The following FMNL2 variants were observed in gnomAD, a reference collection of about 807,000 sequenced individuals.
FMNL2 encodes the protein formin like 2.
Under a neutral mutation model 130.2 loss-of-function variants are expected in FMNL2, and 51 were observed. That is an observed-to-expected ratio of 0.39 (90% CI 0.31 to 0.49). FMNL2 has a LOEUF of 0.49. Ranked by LOEUF, FMNL2 falls within the 20% of genes least tolerant of loss-of-function variation. The pLI, the probability that FMNL2 is intolerant of heterozygous loss-of-function variation, is 0.85. For synonymous variants in FMNL2, 465 were observed against 467.1 expected (o/e 1.00, Z 0.06); for missense variants, 977 against 1,316.2 (o/e 0.74, Z 3.99).
intron 2 of FMNL2, among the ~76,000 whole-genome samples, chr2:152,538,981 G>T: frequency 6.6e-6 from 1 of 152,206 alleles, no homozygotes; most frequent in Non-Finnish European, 1.5e-5. Context: ...CTAAATATTA[G>T]AATTTTAGAT....
intron 1 of FMNL2, among the ~76,000 whole-genome samples, chr2:152,382,345 T>C (rs958394333): frequency 6.6e-6 from 1 of 152,200 alleles, no homozygotes; most frequent in Admixed American, 6.5e-5. Context: ...GGAAAGCGCA[T>C]GTGTCTTTGT....
At chr2:152,531,648 G>A (rs1016002686) in intron 2 of FMNL2, among the ~76,000 whole-genome samples, 8 of 151,842 alleles carry the variant, frequency 5.3e-5, no homozygotes, top group Admixed American at 2.6e-4. Context: ...GCTAATTTTT[G>A]TATATTTAGT....
In FMNL2 at chr2:152,638,669, A is replaced by G. The variant is rs185943099; in HGVS notation, c.2946+995A>G. Among the ~76,000 whole-genome samples the G allele has an allele frequency of 2.2e-3, 332 of 152,320 alleles. 3 individuals carry two copies. Among genetic ancestry groups the G allele is most frequent in the African/African-American group, 7.6e-3 (318 of 41,572 alleles). On this transcript the variant is annotated intron_variant, in intron 23 of 25. Coordinates refer to ENST00000288670, the MANE Select transcript of FMNL2 (RefSeq NM_052905.4). ...TGGCAGTCAGGGTGAACAGAAACAC[A>G]GCACAAACTCCGTGTGCCAGACTCA...
At chr2:152,458,235 C>T (rs1267938441) in intron 1 of FMNL2, among the ~76,000 whole-genome samples, 1 of 152,174 alleles carries the variant, frequency 6.6e-6, no homozygotes, top group South Asian at 2.1e-4. Context: ...GATTTCTATA[C>T]CTGTACCATA....
At chr2:152,590,010 C>T (rs112703731) in intron 9 of FMNL2, among the ~76,000 whole-genome samples, 1,522 of 44,908 alleles carry the variant, frequency 0.034, 47 homozygotes, top group African/African-American at 0.099. Flanking sequence ...TATATATATA[C>T]ATATACATAT....
intron 1 of FMNL2, among the ~76,000 whole-genome samples, chr2:152,349,294 C>T (rs896089526): frequency 2.5e-4 from 38 of 152,194 alleles, no homozygotes; most frequent in Non-Finnish European, 3.8e-4. Context: ...TGAATTCTCT[C>T]GAGTTCTGTT....
intron 4 of FMNL2, among the ~76,000 whole-genome samples, chr2:152,558,041 T>C (rs1695322830): frequency 6.6e-6 from 1 of 152,212 alleles, no homozygotes; most frequent in Admixed American, 6.5e-5. Flanking sequence ...CAAATAAGAA[T>C]GTATAAGCAT....
intron 1 of FMNL2, among the ~76,000 whole-genome samples, chr2:152,464,410 G>A (rs1452108153): frequency 6.6e-6 from 1 of 152,106 alleles, no homozygotes; most frequent in East Asian, 1.9e-4. Flanking sequence ...TTCTTGTTTG[G>A]CTTCCACTCT....
intron 6 of FMNL2, among the ~76,000 whole-genome samples, chr2:152,565,991 GGCT>G (rs1179616674): frequency 6.6e-6 from 1 of 152,128 alleles, no homozygotes; most frequent in East Asian, 1.9e-4. Context: ...ATGTTGCCCA[GGCT>G]GCTCTCGAAC....
intron 13 of FMNL2, 66 bp from the exon 14 acceptor site, chr2:152,618,780 C>A: frequency 7.2e-7 from 1 of 1,388,420 alleles, no homozygotes; most frequent in East Asian, 2.3e-5. Flanking sequence ...CTCAGTTTGC[C>A]AATCTGATGC....
chr2:152,617,313 G>A, intron 13 of FMNL2, 121 bp downstream of exon 13: 1 of 880,212 alleles, frequency 1.1e-6, no homozygotes, highest in Non-Finnish European at 1.8e-6. Flanking sequence ...ATATTTATTG[G>A]AAACCTTTGA....
At chr2:152,550,117 A>G (rs1694856254) in intron 4 of FMNL2, among the ~76,000 whole-genome samples, 1 of 152,196 alleles carries the variant, frequency 6.6e-6, no homozygotes. Flanking sequence ...CCCCTCATCA[A>G]TGTCATAATG....
chr2:152,539,357 G>C (rs1380509849), intron 2 of FMNL2: 1 of 162,488 alleles, frequency 6.2e-6, no homozygotes, highest in Admixed American at 6.0e-5. Context: ...GTGGAATCAA[G>C]AGTGAACTTC....
intron 1 of FMNL2, among the ~76,000 whole-genome samples, chr2:152,445,851 G>T (rs190225159): frequency 3.3e-5 from 5 of 152,240 alleles, no homozygotes; most frequent in Admixed American, 1.3e-4. Context: ...TCAGGGTTCC[G>T]GGTCAGCTGG....
chr2:152,415,869 C>T (rs1446406939), intron 1 of FMNL2, among the ~76,000 whole-genome samples: 3 of 152,140 alleles, frequency 2.0e-5, no homozygotes, highest in African/African-American at 4.8e-5. Context: ...AAATATTTAC[C>T]ATAGCTGCTT....
intron 25 of FMNL2, chr2:152,643,981 G>A (rs138844829): frequency 1.7e-5 from 14 of 802,458 alleles, no homozygotes; most frequent in Admixed American, 1.2e-4. Context: ...TGTAATTCCA[G>A]TACTTTGAGA....
intron 1 of FMNL2, among the ~76,000 whole-genome samples, chr2:152,385,925 C>G (rs940567671): frequency 6.6e-6 from 1 of 152,146 alleles, no homozygotes. Context: ...AGGCTGTCAG[C>G]AATGCCTTGA....
At chr2:152,624,448 A>T (rs952274025) in intron 15 of FMNL2, among the ~76,000 whole-genome samples, 1 of 151,484 alleles carries the variant, frequency 6.6e-6, no homozygotes, top group African/African-American at 2.4e-5. Flanking sequence ...CACCACGCCC[A>T]GCAATTTCTT....
intron 1 of FMNL2, among the ~76,000 whole-genome samples, chr2:152,425,328 C>T (rs1002613431): frequency 6.6e-6 from 1 of 152,166 alleles, no homozygotes; most frequent in Non-Finnish European, 1.5e-5. Context: ...GATGGAGTAA[C>T]TGCCAAGTGG....
Sources: gnomAD v4.1 joint callset for allele counts (sites outside exome capture counted in the v4.1 genomes callset) on GRCh38, gnomAD v4.1.1 for gene constraint, MANE v1.5 for transcripts, NCBI Gene and HGNC (gene_info 2026-07-23, HGNC 2026-07-21) for gene names.